The following ITSN2 variants were observed in gnomAD, a reference collection of about 807,000 sequenced individuals.
ITSN2 encodes the protein intersectin-2.
Under a neutral mutation model 243.7 loss-of-function variants are expected in ITSN2, and 156 were observed. The ratio of observed to expected loss-of-function variants is 0.64; its 90% confidence interval spans 0.56 to 0.73. The LOEUF (loss-of-function observed/expected upper bound fraction) is 0.73, where lower values mean the gene tolerates loss of function less well. Among genes scored for constraint, ITSN2 ranks in the 30% least tolerant of loss-of-function variants. The pLI is 0.00. For missense variants in ITSN2, 1,801 were observed against 1,996.1 expected (o/e 0.90, Z 1.86); for synonymous variants, 703 against 699.9 (o/e 1.00, Z -0.07).
Position 24,204,736 on chromosome 2 carries a change from T to TGGCACTTACTGGGAAAA in ITSN2, c.4763-335_4763-319dup, listed in dbSNP as rs1364061605. The TGGCACTTACTGGGAAAA allele has an allele frequency of 1.9e-6, 1 of 528,100 alleles. No homozygotes were observed. Among genetic ancestry groups the TGGCACTTACTGGGAAAA allele is most frequent in the Non-Finnish European group, 3.6e-6 (1 of 274,196 alleles). 32.7% of individuals were successfully genotyped at this position (528,100 alleles called of 1,614,324 possible). A position where few individuals can be genotyped will look rare whatever the true frequency, so the allele number is the denominator to read the frequency against. On this transcript the variant is annotated intron_variant, in intron 38 of 39. Transcript: ENST00000355123. This position sits in a 1 kb window ranked among gnomAD's most constrained non-coding sequence, Gnocchi z 5.1. The stretch of plus-strand genomic sequence containing the variant: ...CAGACACACTCGGGAAGGCGGGCAC[T>TGGCACTTACTGGGAAAA]GGCACTTACTGGGAAAACAGTGATA...
chr2:24,222,231 A>G (rs1466031905), intron 29 of ITSN2, among the ~76,000 whole-genome samples: 1 of 144,094 alleles, frequency 6.9e-6, no homozygotes, highest in Admixed American at 7.1e-5. Context: ...CAGCCTGGGC[A>G]AAAGAGCAAG....
At chr2:24,309,016 G>T in intron 7 of ITSN2, 1 of 403,910 alleles carries the variant, frequency 2.5e-6, no homozygotes, top group Non-Finnish European at 5.2e-6. Flanking sequence ...AATGGCACAT[G>T]TGAGGGACCT....
intron 32 of ITSN2, among the ~76,000 whole-genome samples, chr2:24,213,528 T>C (rs995809597): frequency 2.0e-5 from 3 of 152,252 alleles, no homozygotes; most frequent in Admixed American, 1.3e-4. Context: ...TAGGTTGCTG[T>C]CACAAGCATC....
chr2:24,230,022 T>C (rs1558454934), intron 29 of ITSN2, among the ~76,000 whole-genome samples: 1 of 152,202 alleles, frequency 6.6e-6, no homozygotes, highest in Non-Finnish European at 1.5e-5. Context: ...CATGGCTTAT[T>C]TATGTACTGA....
chr2:24,209,121 C>T lies in ITSN2; in HGVS notation c.4574G>A (p.Arg1525Gln), dbSNP rs542519689. The T allele has an allele frequency of 2.9e-5, 46 of 1,614,030 alleles. No homozygotes were observed. Among genetic ancestry groups the T allele is most frequent in the African/African-American group, 8.0e-5 (6 of 75,026 alleles). The change falls in exon 36 of 40, where the codon CGA becomes CAA. Residue 1525 changes from arginine to glutamine, a missense_variant. By Grantham distance (43) the Arg-to-Gln change is conservative. Coordinates refer to ENST00000355123, the MANE Select transcript of ITSN2 (RefSeq NM_006277.3). ...TGACCTCTCATTAATGTTGTCTGTT[C>T]GGAGGGTGTAGACCCGATCAATGTG... ...ISHIDRVYTLRTDNINERTAW... is the reference protein window; with the variant it reads ...ISHIDRVYTLQTDNINERTAW...
At position 24,203,850 on chromosome 2, in the gene ITSN2, G is replaced by A. The variant is rs374527301; in HGVS notation, c.4937-67C>T. The A allele has an allele frequency of 5.0e-5, 73 of 1,470,760 alleles. 1 individual carries two copies. The East Asian group carries it at 9.6e-4, about 19-fold the overall frequency. The allele number at this position is 1,470,760 out of a possible 1,614,324, so 91.1% of individuals were successfully genotyped here. ...ATAAAATCATTAAAGAGCTACATCC[G>A]GAAGAAGTGGATTCATAAAACCTTC... On this transcript the variant is annotated intron_variant, in intron 39 of 39. Transcript: ENST00000355123.
chr2:24,253,149 GAAGA>G (rs1411843320), intron 24 of ITSN2, among the ~76,000 whole-genome samples: 1 of 152,130 alleles, frequency 6.6e-6, no homozygotes, highest in African/African-American at 2.4e-5. Context: ...TCACTGCTTA[GAAGA>G]AACAGTTGGT....
intron 20 of ITSN2, among the ~76,000 whole-genome samples, chr2:24,270,077 G>A (rs1336274614): frequency 6.6e-6 from 1 of 152,146 alleles, no homozygotes; most frequent in Non-Finnish European, 1.5e-5. Flanking sequence ...GGGGAGCGGG[G>A]GAAAGAGGCA....
chr2:24,332,110 C>T (rs957045234), intron 1 of ITSN2, among the ~76,000 whole-genome samples: 3 of 152,120 alleles, frequency 2.0e-5, no homozygotes, highest in African/African-American at 7.2e-5. Flanking sequence ...AGGCGTGGGG[C>T]ACATGCCTGT....
At chr2:24,336,957 T>C (rs972744931) in intron 1 of ITSN2, among the ~76,000 whole-genome samples, 7 of 151,758 alleles carry the variant, frequency 4.6e-5, no homozygotes, top group Non-Finnish European at 8.8e-5. Context: ...GAACTGAATA[T>C]ACAGAAAGGA....
At chr2:24,339,400 G>A (rs1241237941) in intron 1 of ITSN2, among the ~76,000 whole-genome samples, 6 of 151,678 alleles carry the variant, frequency 4.0e-5, no homozygotes, top group African/African-American at 9.7e-5. Flanking sequence ...GAACTTGGAA[G>A]GCGAAGGTTG....
intron 9 of ITSN2, among the ~76,000 whole-genome samples, chr2:24,303,078 T>C (rs1681994545): frequency 6.6e-6 from 1 of 152,194 alleles, no homozygotes; most frequent in African/African-American, 2.4e-5. Context: ...ATACACTCAA[T>C]AACAATAAAC....
chr2:24,235,748 A>C (rs146806758), intron 29 of ITSN2, among the ~76,000 whole-genome samples: 127 of 152,344 alleles, frequency 8.3e-4, no homozygotes, highest in Middle Eastern at 6.8e-3. Context: ...ATGGCCAACA[A>C]GCACATGAAA....
At chr2:24,223,306 C>T (rs1334986178) in intron 29 of ITSN2, among the ~76,000 whole-genome samples, 3 of 152,048 alleles carry the variant, frequency 2.0e-5, no homozygotes, top group Non-Finnish European at 4.4e-5. Context: ...TTTCTATATT[C>T]TACAGATGTT....
At chr2:24,315,849 CA>C (rs1488748606) in intron 2 of ITSN2, among the ~76,000 whole-genome samples, 2 of 152,224 alleles carry the variant, frequency 1.3e-5, no homozygotes, top group Non-Finnish European at 2.9e-5. Context: ...GAGGCCTCTC[CA>C]GCCATGTGGA....
chr2:24,307,099 T>C (rs1283207277), intron 8 of ITSN2, among the ~76,000 whole-genome samples: 1 of 152,194 alleles, frequency 6.6e-6, no homozygotes, highest in Non-Finnish European at 1.5e-5. Flanking sequence ...CCACCGCACC[T>C]GGCCAAAATT....
At chr2:24,233,745 G>A (rs972653190) in intron 29 of ITSN2, among the ~76,000 whole-genome samples, 1 of 152,126 alleles carries the variant, frequency 6.6e-6, no homozygotes, top group African/African-American at 2.4e-5. Context: ...TGCAATGTGG[G>A]TATTATTATT....
intron 32 of ITSN2, among the ~76,000 whole-genome samples, chr2:24,213,825 G>A (rs970301509): frequency 6.6e-6 from 1 of 152,090 alleles, no homozygotes; most frequent in Non-Finnish European, 1.5e-5. Flanking sequence ...TTCATTTCGA[G>A]GCAACTCCCT....
At position 24,208,229 on chromosome 2, in the gene ITSN2, C is replaced by T. The variant is rs1027608453; in HGVS notation, c.4678+8G>A. 1.2e-6 allele frequency: 2 copies of T among 1,611,616 alleles called. No individual in the cohort carries two copies. The highest frequency in any genetic ancestry group is 2.2e-5 in the South Asian group (2 of 91,070). ...GGGCTGCGTCCCACCCTCCGGGCAC[C>T]CTGATACCTTGGTAAGCTTTCTCAC... On this transcript the variant is annotated splice_region_variant and intron_variant, in intron 37 of 39. Transcript: ENST00000355123.
Sources: gnomAD v4.1 joint callset for allele counts (sites outside exome capture counted in the v4.1 genomes callset) on GRCh38, gnomAD v4.1.1 for gene constraint, Gnocchi (gnomAD v3.1) non-coding constraint, MANE v1.5 for transcripts, NCBI Gene and HGNC (gene_info 2026-07-23, HGNC 2026-07-21) for gene names.